The following SLC25A21 variants were observed in gnomAD, a reference collection of about 807,000 sequenced individuals.
SLC25A21 encodes solute carrier family 25 member 21.
In SLC25A21, 47 loss-of-function variants were observed where a neutral mutation model predicts 43.8. The observed-to-expected ratio is 1.07, with a 90% CI of 0.85 to 1.37. The LOEUF (loss-of-function observed/expected upper bound fraction) is 1.37, where lower values mean the gene tolerates loss of function less well. Ranked by LOEUF, SLC25A21 falls within the 40% of genes most tolerant of loss-of-function variation. The pLI, the probability that SLC25A21 is intolerant of heterozygous loss-of-function variation, is 0.00. For synonymous variants in SLC25A21, 131 were observed against 121.3 expected (o/e 1.08, Z -0.52); for missense variants, 352 against 350.2 (o/e 1.00, Z -0.04).
intron 7 of SLC25A21, among the ~76,000 whole-genome samples, chr14:36,696,107 T>G (rs866699762): frequency 2.0e-4 from 30 of 152,342 alleles, no homozygotes; most frequent in African/African-American, 6.5e-4. Context: ...ATTGAGAGTG[T>G]TTAGCATGAA....
At chr14:37,098,049 C>G (rs907828605) in intron 1 of SLC25A21, 1 of 151,958 alleles carries the variant, frequency 6.6e-6, no homozygotes, top group Non-Finnish European at 1.5e-5. Flanking sequence ...AATGTTTTTC[C>G]AAATAAAATC....
At chr14:36,837,423 C>A (rs1042339306) in intron 2 of SLC25A21, among the ~76,000 whole-genome samples, 3 of 151,924 alleles carry the variant, frequency 2.0e-5, no homozygotes, top group Non-Finnish European at 4.4e-5. Context: ...AGAGGGGATT[C>A]CAAGAAGGGG....
At chr14:37,039,201 C>T (rs9888610) in intron 1 of SLC25A21, among the ~76,000 whole-genome samples, 71,117 of 151,770 alleles carry the variant, frequency 0.47, 19,022 homozygotes, top group African/African-American at 0.75. Flanking sequence ...CAGTATGTTG[C>T]AAAATACTGA....
intron 2 of SLC25A21, among the ~76,000 whole-genome samples, chr14:36,847,680 G>A (rs1403144592): frequency 6.6e-6 from 1 of 152,204 alleles, no homozygotes; most frequent in East Asian, 1.9e-4. Context: ...AATTTGAGAA[G>A]GGCGTGCCAT....
At chr14:36,910,044 C>T (rs950654034) in intron 1 of SLC25A21, among the ~76,000 whole-genome samples, 1 of 152,138 alleles carries the variant, frequency 6.6e-6, no homozygotes, top group African/African-American at 2.4e-5. Context: ...ATAAGCGCTA[C>T]TCTCAATTAT....
intron 3 of SLC25A21, among the ~76,000 whole-genome samples, chr14:36,795,928 A>G (rs1379659153): frequency 6.6e-6 from 1 of 152,204 alleles, no homozygotes; most frequent in Admixed American, 6.5e-5. Context: ...GTTCAGATGC[A>G]ACACAGCATA....
chr14:36,802,295 T>G (rs1339498807), intron 3 of SLC25A21, among the ~76,000 whole-genome samples: 2 of 152,192 alleles, frequency 1.3e-5, no homozygotes, highest in Non-Finnish European at 2.9e-5. Flanking sequence ...TATATATGAT[T>G]ATATACAAAG....
intron 1 of SLC25A21, among the ~76,000 whole-genome samples, chr14:37,018,220 C>T (rs1164426014): frequency 6.6e-6 from 1 of 151,844 alleles, no homozygotes; most frequent in Non-Finnish European, 1.5e-5. Flanking sequence ...AATTTAGCTG[C>T]CTACATAAAA....
In SLC25A21 at chr14:36,680,584, G is replaced by A. The variant is rs540197690; in HGVS notation, c.*74C>T. The stretch of plus-strand genomic sequence containing the variant: ...TTCATAATTATACACCTGGCCGATC[G>A]ATAGTCTCTCTTCTTCATGGTGCTG... On this transcript the variant is annotated 3_prime_UTR_variant, in exon 10 of 10. Transcript: ENST00000331299. The A allele has an allele frequency of 8.0e-5, 123 of 1,530,224 alleles. 1 individual carries two copies. The East Asian group carries it at 1.4e-3, about 18-fold the overall frequency. 94.8% of individuals were successfully genotyped at this position (1,530,224 alleles called of 1,614,324 possible).
chr14:36,876,373 G>C (rs1890523706), intron 1 of SLC25A21, among the ~76,000 whole-genome samples: 2 of 152,166 alleles, frequency 1.3e-5, no homozygotes, highest in Middle Eastern at 3.4e-3. Context: ...GTCTTACTTT[G>C]GCTACAACTA....
intron 1 of SLC25A21, among the ~76,000 whole-genome samples, chr14:37,140,055 C>G (rs1436882618): frequency 2.0e-5 from 3 of 152,130 alleles, no homozygotes; most frequent in Non-Finnish European, 4.4e-5. Context: ...CAGAAATCAT[C>G]AAAGAACCCA....
At chr14:37,134,592 CCA>C (rs1286591442) in intron 1 of SLC25A21, among the ~76,000 whole-genome samples, 1 of 150,196 alleles carries the variant, frequency 6.7e-6, no homozygotes, top group African/African-American at 2.4e-5. Flanking sequence ...CTGCAGTGAG[CCA>C]TGCTCACTCC....
chr14:36,834,287 C>T (rs925304098), intron 2 of SLC25A21, among the ~76,000 whole-genome samples: 1 of 152,140 alleles, frequency 6.6e-6, no homozygotes, highest in Non-Finnish European at 1.5e-5. Context: ...GTTTTTGTTG[C>T]TTTTTCGCAT....
intron 3 of SLC25A21, among the ~76,000 whole-genome samples, chr14:36,765,446 TG>T (rs1886378002): frequency 2.0e-5 from 3 of 152,308 alleles, no homozygotes; most frequent in African/African-American, 7.2e-5. Context: ...CCCAGTGTTT[TG>T]GGGTAGTTTG....
At chr14:37,049,570 T>G (rs1196236670) in intron 1 of SLC25A21, among the ~76,000 whole-genome samples, 1 of 152,018 alleles carries the variant, frequency 6.6e-6, no homozygotes, top group African/African-American at 2.4e-5. Flanking sequence ...AGACCCTGTT[T>G]CAAAAAGGAA....
At chr14:37,024,349 C>G (rs1446892355) in intron 1 of SLC25A21, among the ~76,000 whole-genome samples, 2 of 151,920 alleles carry the variant, frequency 1.3e-5, no homozygotes, top group Non-Finnish European at 2.9e-5. Context: ...TCATTGGTTC[C>G]AAGTAGGGTC....
At chr14:36,898,697 T>C (rs1487164097) in intron 1 of SLC25A21, among the ~76,000 whole-genome samples, 1 of 152,078 alleles carries the variant, frequency 6.6e-6, no homozygotes, top group Non-Finnish European at 1.5e-5. Flanking sequence ...CTCACTTATA[T>C]GAGAAACCTA....
At chr14:36,764,481 C>T (rs1263663356) in intron 3 of SLC25A21, among the ~76,000 whole-genome samples, 6 of 144,634 alleles carry the variant, frequency 4.1e-5, no homozygotes, top group Admixed American at 2.9e-4. Context: ...GCGTGAAGAA[C>T]GAGGTAATAG....
chr14:37,014,201 T>C (rs57753622), intron 1 of SLC25A21, among the ~76,000 whole-genome samples: 33,039 of 152,012 alleles, frequency 0.22, 5,671 homozygotes, highest in African/African-American at 0.48. Context: ...CAATGAACTC[T>C]TCCTTTCACA....
Sources: gnomAD v4.1 joint callset for allele counts (sites outside exome capture counted in the v4.1 genomes callset) on GRCh38, gnomAD v4.1.1 for gene constraint, MANE v1.5 for transcripts, NCBI Gene and HGNC (gene_info 2026-07-23, HGNC 2026-07-21) for gene names.